EYA1: variants seen among roughly 807,000 people sequenced by gnomAD.
EYA1 encodes the protein protein phosphatase EYA1.
In EYA1, 16 loss-of-function variants were observed where a neutral mutation model predicts 82.0. The observed-to-expected ratio is 0.20, with a 90% CI of 0.13 to 0.30. The LOEUF (loss-of-function observed/expected upper bound fraction) is 0.30, where lower values mean the gene tolerates loss of function less well. Ranked by LOEUF, EYA1 falls within the 10% of genes least tolerant of loss-of-function variation. The probability of loss-of-function intolerance (pLI) is 1.00; values close to 1 mark genes in which losing one functional copy is unlikely to be tolerated. For synonymous variants in EYA1, 261 were observed against 264.4 expected (o/e 0.99, Z 0.12); for missense variants, 633 against 730.7 (o/e 0.87, Z 1.54).
chr8:71,519,954 A>G (rs1006345999), intron 2 of EYA1, among the ~76,000 whole-genome samples: 1 of 152,194 alleles, frequency 6.6e-6, no homozygotes, highest in Non-Finnish European at 1.5e-5. Context: ...AAAATCTAAT[A>G]CTACAATGTT....
At chr8:71,248,672 A>G in intron 11 of EYA1, among the ~76,000 whole-genome samples, 1 of 152,210 alleles carries the variant, frequency 6.6e-6, no homozygotes, top group East Asian at 1.9e-4. Flanking sequence ...ACAGATAGAT[A>G]ATTCTGCTCA....
chr8:71,253,282 G>A lies in EYA1; in HGVS notation c.1051-8590C>T, dbSNP rs71525120. ...GTATCAAGTACCTGGTATTCTGTCCGCTCAGGGTAAAATGCATGTGACTTG... is the reference window on the plus strand; with the variant it reads ...GTATCAAGTACCTGGTATTCTGTCCACTCAGGGTAAAATGCATGTGACTTG... On this transcript the variant is annotated intron_variant, in intron 11 of 17. Coordinates refer to ENST00000340726, the MANE Select transcript of EYA1 (RefSeq NM_000503.6). Among the ~76,000 whole-genome samples, 1,132 of 152,134 alleles carry A rather than the reference G, an allele frequency of 7.4e-3. 9 individuals are homozygous for A. Among genetic ancestry groups the A allele is most frequent in the Non-Finnish European group, 0.012 (802 of 67,976 alleles).
intron 2 of EYA1, among the ~76,000 whole-genome samples, chr8:71,510,185 C>T (rs75077787): frequency 0.026 from 3,900 of 152,134 alleles, 167 homozygotes; most frequent in African/African-American, 0.09. Context: ...ATCATGTATT[C>T]ATTAGACTCA....
chr8:71,262,998 T>G (rs1462131555), intron 11 of EYA1, among the ~76,000 whole-genome samples: 1 of 152,192 alleles, frequency 6.6e-6, no homozygotes, highest in East Asian at 1.9e-4. Flanking sequence ...CCATCATCAC[T>G]CCAGAGCCAC....
chr8:71,269,968 CAA>C (rs572977335), intron 10 of EYA1, 145 bp from the exon 11 acceptor site: 6 of 698,804 alleles, frequency 8.6e-6, no homozygotes, highest in African/African-American at 7.0e-5. Flanking sequence ...ACAACTGTTT[CAA>C]AGAGTATCTC....
At chr8:71,537,873 C>A (rs1333864864) in intron 1 of EYA1, among the ~76,000 whole-genome samples, 3 of 152,116 alleles carry the variant, frequency 2.0e-5, no homozygotes, top group Admixed American at 6.5e-5. Flanking sequence ...TTTATTTCTG[C>A]TGAAGATGAA....
chr8:71,331,285 C>CACACACACAT lies in EYA1; in HGVS notation c.202+2811_202+2812insATGTGTGTGT, dbSNP rs554459560. Among the ~76,000 whole-genome samples, 407 of 127,510 alleles carry CACACACACAT rather than the reference C, an allele frequency of 3.2e-3. 1 individual carries two copies. Among genetic ancestry groups the CACACACACAT allele is most frequent in the African/African-American group, 0.011 (377 of 35,612 alleles). The allele number at this position is 127,510 out of a possible 152,430, so 83.7% of individuals were successfully genotyped here. A position where few individuals can be genotyped will look rare whatever the true frequency, so the allele number is the denominator to read the frequency against. On this transcript the variant is annotated intron_variant, in intron 4 of 17. Transcript: ENST00000340726. ...ACACACACACACACACACACACACA[C>CACACACACAT]ATATATATACATATATATATTTCTA... is the stretch of plus-strand genomic sequence containing the variant.
chr8:71,464,352 C>T (rs1187633229), intron 2 of EYA1, among the ~76,000 whole-genome samples: 1 of 152,174 alleles, frequency 6.6e-6, no homozygotes, highest in South Asian at 2.1e-4. Context: ...GACAAATGTG[C>T]ATTGCAGCTT....
chr8:71,211,106 G>A, intron 17 of EYA1, 50 bp downstream of exon 17: 1 of 1,134,692 alleles, frequency 8.8e-7, no homozygotes, highest in Admixed American at 1.7e-5. Flanking sequence ...TGAGAATACT[G>A]AGGACTGAAA....
At chr8:71,334,409 A>G in intron 3 of EYA1, 1 of 551,426 alleles carries the variant, frequency 1.8e-6, no homozygotes, top group Non-Finnish European at 3.2e-6. Flanking sequence ...GCAGCACTGT[A>G]AAAGTAATTA....
chr8:71,410,063 G>T (rs1012670008), intron 2 of EYA1, among the ~76,000 whole-genome samples: 7 of 152,122 alleles, frequency 4.6e-5, no homozygotes. Flanking sequence ...TCAATATAAG[G>T]CTGGTTCAAT....
At chr8:71,447,331 CA>C (rs1159074634) in intron 2 of EYA1, among the ~76,000 whole-genome samples, 2 of 152,000 alleles carry the variant, frequency 1.3e-5, no homozygotes, top group African/African-American at 4.8e-5. Flanking sequence ...GTAAAGTCTG[CA>C]AAAGGCCAGA....
chr8:71,426,015 C>G (rs977794617), intron 2 of EYA1, among the ~76,000 whole-genome samples: 23 of 152,076 alleles, frequency 1.5e-4, no homozygotes, highest in African/African-American at 5.6e-4. Flanking sequence ...TTTATTTTTT[C>G]TGGGAGGTTA....
intron 3 of EYA1, among the ~76,000 whole-genome samples, chr8:71,343,126 T>C (rs1421313373): frequency 2.6e-5 from 4 of 152,136 alleles, no homozygotes; most frequent in African/African-American, 9.7e-5. Context: ...TGGTGACTGG[T>C]GGCAGTAGGT....
chr8:71,218,165 C>T (rs920493613), intron 12 of EYA1, among the ~76,000 whole-genome samples: 5 of 152,088 alleles, frequency 3.3e-5, no homozygotes, highest in African/African-American at 4.8e-5. Context: ...AATTTCCAGG[C>T]GCACATCCTG....
chr8:71,208,316 C>T (rs1478926734), intron 17 of EYA1, among the ~76,000 whole-genome samples: 1 of 152,096 alleles, frequency 6.6e-6, no homozygotes, highest in Non-Finnish European at 1.5e-5. Context: ...CCTGTAATCC[C>T]AGCTACTTAG....
At chr8:71,505,921 T>G (rs1390989066) in intron 2 of EYA1, among the ~76,000 whole-genome samples, 1 of 152,108 alleles carries the variant, frequency 6.6e-6, no homozygotes, top group African/African-American at 2.4e-5. Context: ...ACTGTTCTCA[T>G]GAGAGTGAGT....
At chr8:71,455,956 G>A (rs1807862225) in intron 2 of EYA1, among the ~76,000 whole-genome samples, 1 of 152,182 alleles carries the variant, frequency 6.6e-6, no homozygotes, top group African/African-American at 2.4e-5. Flanking sequence ...AGGAAAAGAG[G>A]AAGTCAAATT....
intron 2 of EYA1, among the ~76,000 whole-genome samples, chr8:71,422,992 C>T (rs757351275): frequency 6.6e-5 from 10 of 152,124 alleles, no homozygotes; most frequent in Non-Finnish European, 1.3e-4. Context: ...AAATTTTAAA[C>T]TTGGAAACCT....
Sources: allele counts gnomAD v4.1 joint callset (sites outside exome capture counted in the v4.1 genomes callset), GRCh38; gene constraint gnomAD v4.1.1; transcripts MANE v1.5; gene names NCBI Gene and HGNC (gene_info 2026-07-23, HGNC 2026-07-21).